The following EXO1 variants were observed in gnomAD, a reference collection of about 807,000 sequenced individuals.
The protein encoded by EXO1 is exonuclease 1.
In EXO1, 69 loss-of-function variants were observed where a neutral mutation model predicts 84.5. The ratio of observed to expected loss-of-function variants is 0.82; its 90% CI spans 0.67 to 1.00. EXO1 has a LOEUF of 1.00. EXO1 is among the 50% of genes least tolerant of loss of function. EXO1 has a pLI of 0.00. For missense variants in EXO1, 1,045 were observed against 1,000.7 expected (o/e 1.04, Z -0.60); for synonymous variants, 373 against 366.1 (o/e 1.02, Z -0.21).
intron 11 of EXO1, among the ~76,000 whole-genome samples, chr1:241,868,395 A>AC (rs1661874502): frequency 6.6e-6 from 1 of 151,484 alleles, no homozygotes; most frequent in African/African-American, 2.4e-5. Context: ...AAAAAAAAAA[A>AC]AAATTAAGAA....
At chr1:241,882,104 A>T (rs1214836000) in intron 14 of EXO1, 87 bp downstream of exon 14, 3 of 698,680 alleles carry the variant, frequency 4.3e-6, no homozygotes, top group Non-Finnish European at 7.6e-6. Flanking sequence ...AGAATTAAAA[A>T]TCAAAATACC....
chr1:241,886,873 A>T (rs561306829), intron 15 of EXO1, among the ~76,000 whole-genome samples: 1 of 152,128 alleles, frequency 6.6e-6, no homozygotes, highest in African/African-American at 2.4e-5. Flanking sequence ...TTTACTATCT[A>T]GTTTGCAAAT....
rs1574150055 is a variant in EXO1, at chr1:241,863,416, A to C, written c.1041+1914A>C. Among the ~76,000 whole-genome samples, 4 of 108,442 alleles carry C rather than the reference A, an allele frequency of 3.7e-5. No individual in the cohort carries two copies. The South Asian group carries it at 8.2e-4, about 22-fold the overall frequency. 71.1% of individuals were successfully genotyped at this position (108,442 alleles called of 152,430 possible). A position where few individuals can be genotyped will look rare whatever the true frequency, so the allele number is the denominator to read the frequency against. On this transcript the variant is annotated intron_variant, in intron 10 of 15. Coordinates refer to ENST00000366548, the MANE Select transcript of EXO1 (RefSeq NM_130398.4). ...GATGGGTGATTCCAGGCTAAAAAAA[A>C]AAAAAACAAAAAAAGCGTATGTAGA...
chr1:241,872,374 C>T, intron 12 of EXO1, 96 bp downstream of exon 12: 1 of 1,353,002 alleles, frequency 7.4e-7, no homozygotes, highest in Non-Finnish European at 1.0e-6. Flanking sequence ...ATTTATTATA[C>T]TTTAAGTTCT....
chr1:241,850,462 G>A lies in EXO1; in HGVS notation c.37G>A (p.Ala13Thr), dbSNP rs758360659. The change falls in exon 4 of 16, where the codon GCT (alanine) becomes ACT (threonine). Residue 13 changes from alanine to threonine, a missense_variant. By Grantham distance (58) the Ala-to-Thr change is moderately conservative. Coordinates refer to ENST00000366548, the MANE Select transcript of EXO1 (RefSeq NM_130398.4). ...IQGLLQFIKEASEPIHVRKYK... is the reference protein window; with the variant it reads ...IQGLLQFIKETSEPIHVRKYK... ...GGGATTGCTACAATTTATCAAAGAA[G>A]CTTCAGAACCCATCCATGTGAGGAA... is the stretch of plus-strand genomic sequence containing the variant. 5.0e-6 allele frequency: 8 copies of A among 1,614,060 alleles called. No homozygotes were observed. The Admixed American group carries it at 1.0e-4, about 20-fold the overall frequency.
chr1:241,866,491 C>T (rs764963331), intron 10 of EXO1, among the ~76,000 whole-genome samples: 3 of 151,172 alleles, frequency 2.0e-5, no homozygotes, highest in Non-Finnish European at 4.4e-5. Flanking sequence ...ATTTGTATTA[C>T]GAAGATTTTT....
intron 15 of EXO1, among the ~76,000 whole-genome samples, chr1:241,888,267 G>A (rs912289315): frequency 6.6e-5 from 10 of 152,124 alleles, no homozygotes; most frequent in African/African-American, 2.4e-4. Flanking sequence ...AAAATGTAAA[G>A]TATACCAAAG....
chr1:241,879,077 C>T lies in EXO1; in HGVS notation c.1843C>T (p.Leu615Phe), dbSNP rs1662579817. Residue 615 changes from leucine to phenylalanine, a missense_variant, in exon 13 of 16, where the codon CTT becomes TTT. Physicochemically the swap from Leu to Phe is conservative, Grantham distance 22. Coordinates refer to ENST00000366548, the MANE Select transcript of EXO1 (RefSeq NM_130398.4). ...LRSCFSWSGG[L>F]GDFSRTPSPS... Reference sequence around the variant, plus strand: ...AAGTTGTTTTAGTTGGTCTGGAGGTCTTGGAGATTTTTCAAGAACGCCGAG... The same window carrying T: ...AAGTTGTTTTAGTTGGTCTGGAGGTTTTGGAGATTTTTCAAGAACGCCGAG... 6.2e-7 allele frequency: 1 copy of T among 1,614,070 alleles called. No individual in the cohort carries two copies. The highest frequency in any genetic ancestry group is 1.3e-5 in the African/African-American group (1 of 75,032).
chr1:241,858,386 G>A (rs991209367), intron 7 of EXO1, 120 bp from the exon 8 acceptor site: 3 of 682,430 alleles, frequency 4.4e-6, no homozygotes, highest in Middle Eastern at 2.8e-4. Flanking sequence ...GTCTATCTAT[G>A]TCTCCTGTCT....
chr1:241,866,870 G>A lies in EXO1; in HGVS notation c.1082G>A (p.Cys361Tyr), dbSNP rs758060228. 1.2e-6 allele frequency: 2 copies of A among 1,614,072 alleles called. No homozygotes were observed. The highest frequency in any genetic ancestry group is 1.7e-6 in the Non-Finnish European group (2 of 1,179,952). Residue 361 changes from cysteine to tyrosine, a missense_variant, in exon 11 of 16, where the codon TGT becomes TAT. By Grantham distance (194) the Cys-to-Tyr change is radical. Coordinates refer to ENST00000366548, the MANE Select transcript of EXO1 (RefSeq NM_130398.4). ...AGTCATAGTTGGGATGACAAAACAT[G>A]TCAAAAGTCAGCTAATGTTAGCAGC... Reference protein sequence around the residue: ...SRSHSWDDKTCQKSANVSSIW... With the variant: ...SRSHSWDDKTYQKSANVSSIW...
intron 13 of EXO1, among the ~76,000 whole-genome samples, chr1:241,880,768 G>A (rs1662707679): frequency 6.6e-6 from 1 of 152,160 alleles, no homozygotes; most frequent in Admixed American, 6.5e-5. Context: ...TTATCCTATA[G>A]TTCAGAAGAA....
In EXO1 at chr1:241,852,295, T is replaced by C. The variant is rs1409430117; in HGVS notation, c.165T>C (p.Tyr55=). The C allele has an allele frequency of 3.1e-6, 5 of 1,601,452 alleles. No homozygotes were observed. The highest frequency in any genetic ancestry group is 2.2e-5 in the East Asian group (1 of 44,760). The change falls in exon 5 of 16, where the codon TAT becomes TAC. Residue 55 remains tyrosine, a synonymous_variant. Transcript: ENST00000366548. ...ATGTTTTTCTTTTTTTCCATAGGTA[T>C]GTAGGATTTTGTATGAAATTTGTAA... is the stretch of plus-strand genomic sequence containing the variant. ...KLAKGEPTDR[Y]VGFCMKFVNM...
intron 4 of EXO1, among the ~76,000 whole-genome samples, chr1:241,851,060 C>G (rs897638968): frequency 6.6e-6 from 1 of 152,026 alleles, no homozygotes; most frequent in Non-Finnish European, 1.5e-5. Context: ...GTCTCAAACT[C>G]CTCAAGTGAT....
chr1:241,867,049 A>G lies in EXO1; in HGVS notation c.1261A>G (p.Arg421Gly), dbSNP rs762348945. The change falls in exon 11 of 16, where the codon AGA (arginine) becomes GGA (glycine). Residue 421 changes from arginine to glycine, a missense_variant. Physicochemically the swap from Arg to Gly is moderately radical, Grantham distance 125 (BLOSUM62 -2). Coordinates refer to ENST00000366548, the MANE Select transcript of EXO1 (RefSeq NM_130398.4). The part of the protein sequence containing the change: ...PRKSSIVKRP[R>G]SAELSEDDLL... The stretch of plus-strand genomic sequence containing the variant: ...GAAATCATCCATTGTGAAAAGACCA[A>G]GAAGTGGTACGTATTTCAGTTTTGC... The G allele has an allele frequency of 5.0e-5, 81 of 1,611,068 alleles. No individual in the cohort carries two copies. The highest frequency in any genetic ancestry group is 6.7e-5 in the Non-Finnish European group (79 of 1,177,352).
intron 11 of EXO1, 123 bp from the exon 12 acceptor site, chr1:241,871,909 T>C (rs912537310): frequency 3.1e-6 from 2 of 635,892 alleles, no homozygotes; most frequent in East Asian, 3.0e-5. Context: ...TTCTGAGGCA[T>C]AGTTTTTTTT....
At chr1:241,855,175 C>T (rs1035665205) in intron 6 of EXO1, among the ~76,000 whole-genome samples, 8 of 152,148 alleles carry the variant, frequency 5.3e-5, no homozygotes, top group Non-Finnish European at 1.5e-5. Context: ...CTTATCTGGC[C>T]CCACCCACAT....
chr1:241,889,612 T>G lies in EXO1; in HGVS notation c.*12T>G. 6.2e-7 allele frequency: 1 copy of G among 1,613,778 alleles called. No individual in the cohort carries two copies. Among genetic ancestry groups the G allele is most frequent in the African/African-American group, 1.3e-5 (1 of 75,050 alleles). Reference sequence around the variant, plus strand: ...CAATATTCCAGTAAATGCAGACTGCTGCAAAGCTTTTGCCTGCAAGAGAAT... The same window carrying G: ...CAATATTCCAGTAAATGCAGACTGCGGCAAAGCTTTTGCCTGCAAGAGAAT... On this transcript the variant is annotated 3_prime_UTR_variant, in exon 16 of 16. Coordinates refer to ENST00000366548, the MANE Select transcript of EXO1 (RefSeq NM_130398.4).
chr1:241,855,796 G>T (rs1660981245), intron 6 of EXO1, among the ~76,000 whole-genome samples: 1 of 152,260 alleles, frequency 6.6e-6, no homozygotes, highest in Non-Finnish European at 1.5e-5. Context: ...GGGGGACCCA[G>T]TACATCCTCC....
rs543004167 is a variant in EXO1, at chr1:241,852,837, A to G, written c.281+426A>G. Among the ~76,000 whole-genome samples the G allele has an allele frequency of 1.2e-4, 18 of 152,104 alleles. No individual in the cohort carries two copies. The East Asian group carries it at 3.1e-3, about 26-fold the overall frequency. On this transcript the variant is annotated intron_variant, in intron 5 of 15. Transcript: ENST00000366548. ...ACACCCGGCTAATTTTTGTGTTTTT[A>G]GTAGAGATGGGGTTTTGCCCTGTTG...
Sources: gnomAD v4.1 joint callset for allele counts (sites outside exome capture counted in the v4.1 genomes callset) on GRCh38, gnomAD v4.1.1 for gene constraint, MANE v1.5 for transcripts, NCBI Gene and HGNC (gene_info 2026-07-23, HGNC 2026-07-21) for gene names.